ANGEL2: variants seen among roughly 807,000 people sequenced by gnomAD.
The protein encoded by ANGEL2 is RNA 2',3'-cyclic phosphatase ANGEL2.
In ANGEL2, 41 loss-of-function variants were observed where a neutral mutation model predicts 66.0. The observed-to-expected ratio is 0.62, with a 90% CI of 0.48 to 0.81. The LOEUF is 0.81. ANGEL2 is among the 30% of genes least tolerant of loss of function. The probability of loss-of-function intolerance (pLI) is 0.00; values close to 1 mark genes in which losing one functional copy is unlikely to be tolerated. For synonymous variants in ANGEL2, 208 were observed against 226.5 expected (o/e 0.92, Z 0.73); for missense variants, 561 against 641.6 (o/e 0.87, Z 1.36).
At chr1:213,012,466 A>C (rs2076532613) in intron 2 of ANGEL2, among the ~76,000 whole-genome samples, 3 of 152,220 alleles carry the variant, frequency 2.0e-5, no homozygotes, top group Admixed American at 2.0e-4. Flanking sequence ...AATATGAAAA[A>C]ATAGAAGTAA....
At chr1:213,000,149 C>T (rs779323862) in intron 7 of ANGEL2, among the ~76,000 whole-genome samples, 177 bp downstream of exon 7, 6 of 152,200 alleles carry the variant, frequency 3.9e-5, no homozygotes, top group Non-Finnish European at 7.3e-5. Context: ...CAAAATCATT[C>T]GGCTAAAACA....
At position 213,013,389 on chromosome 1, in the gene ANGEL2, C is replaced by T. The variant is rs1333777506; in HGVS notation, c.89G>A (p.Ser30Asn). ...RYPMFPHHSR[S>N]LGRDWTTPWE... ...CGGTGTAGTCCAGTCTCTGCCCAGA[C>T]TCCTCGAGTGATGGGGAAACATGGG... is the stretch of plus-strand genomic sequence containing the variant. The change falls in exon 2 of 9, where the codon AGT (serine) becomes AAT (asparagine). Residue 30 changes from serine (S) to asparagine (N), a missense_variant. By Grantham distance (46) the Ser-to-Asn change is conservative. Coordinates refer to ENST00000366962, the MANE Select transcript of ANGEL2 (RefSeq NM_144567.5). The T allele has an allele frequency of 3.7e-6, 6 of 1,613,684 alleles. No homozygotes were observed. The highest frequency in any genetic ancestry group is 3.3e-4 in the Middle Eastern group (2 of 6,084).
intron 7 of ANGEL2, among the ~76,000 whole-genome samples, chr1:212,997,540 ATAAT>A (rs1268268333): frequency 6.6e-6 from 1 of 152,238 alleles, no homozygotes; most frequent in Non-Finnish European, 1.5e-5. Context: ...AAAAAGCTCA[ATAAT>A]TAACATACTA....
intron 6 of ANGEL2, 24 bp from the exon 7 acceptor site, chr1:213,000,407 T>C: frequency 6.3e-7 from 1 of 1,594,368 alleles, no homozygotes; most frequent in Non-Finnish European, 8.6e-7. Flanking sequence ...GGAAAATATA[T>C]TAATGTTATT....
Position 213,015,595 on chromosome 1 carries a change from G to T in ANGEL2, c.59+18C>A. On this transcript the variant is annotated intron_variant, in intron 1 of 8. Transcript: ENST00000366962. ...GCCCGCCCCTCTCTCCTCCCTCCGA[G>T]TACCCAGCCCTACTGACCGGCCTCT... is the stretch of plus-strand genomic sequence containing the variant. 1 of 1,476,176 alleles carries T rather than the reference G, an allele frequency of 6.8e-7. No homozygotes were observed. The highest frequency in any genetic ancestry group is 1.9e-4 in the Middle Eastern group (1 of 5,338). The allele number at this position is 1,476,176 out of a possible 1,614,324, so 91.4% of individuals were successfully genotyped here.
intron 1 of ANGEL2, chr1:213,015,195 C>T: frequency 9.7e-7 from 1 of 1,033,344 alleles, no homozygotes; most frequent in Non-Finnish European, 1.2e-6. Context: ...CACACACGCG[C>T]CTCCAAGGGA....
chr1:213,000,601 A>C, intron 6 of ANGEL2, 185 bp downstream of exon 6: 1 of 760,676 alleles, frequency 1.3e-6, no homozygotes, highest in Non-Finnish European at 2.0e-6. Flanking sequence ...TCATGCACAG[A>C]TAATTCTGGA....
intron 7 of ANGEL2, among the ~76,000 whole-genome samples, chr1:212,998,544 CAG>C (rs1298627361): frequency 3.4e-5 from 4 of 116,662 alleles, no homozygotes; most frequent in Non-Finnish European, 6.7e-5. Context: ...TTTTTTGAGA[CAG>C]AGTCTTGCTC....
chr1:213,001,054 T>A (rs1363166542), intron 5 of ANGEL2, 142 bp from the exon 6 acceptor site: 1 of 720,468 alleles, frequency 1.4e-6, no homozygotes, highest in Admixed American at 3.8e-5. Context: ...TTCTTTGGAC[T>A]TATAAAATCT....
At chr1:213,011,332 T>A in intron 2 of ANGEL2, 1 of 1,249,326 alleles carries the variant, frequency 8.0e-7, no homozygotes, top group Non-Finnish European at 1.0e-6. Flanking sequence ...ATCACACAAA[T>A]CCTTCAAATA....
chr1:213,012,721 G>C (rs2076539690), intron 2 of ANGEL2, among the ~76,000 whole-genome samples: 1 of 151,968 alleles, frequency 6.6e-6, no homozygotes, highest in African/African-American at 2.4e-5. Context: ...ATTTTTTTTA[G>C]ATCTGTAGAC....
chr1:213,011,615 AT>A (rs2076511263), intron 2 of ANGEL2, among the ~76,000 whole-genome samples: 1 of 152,176 alleles, frequency 6.6e-6, no homozygotes, highest in South Asian at 2.1e-4. Context: ...ACAGTATCTC[AT>A]TTCATTCAAC....
chr1:212,993,155 A>T lies in ANGEL2; in HGVS notation c.*1886T>A, dbSNP rs557672921. 2.0e-5 allele frequency: 3 copies of T among 151,844 alleles called. No individual in the cohort carries two copies. The highest frequency in any genetic ancestry group is 4.4e-5 in the Non-Finnish European group (3 of 67,978). 9.4% of individuals were successfully genotyped at this position (151,844 alleles called of 1,614,324 possible). ...AAAATTCCATCTCTACTAAAAATAC[A>T]AAAATTAGCTGGGCATGGTGGTGCA... On this transcript the variant is annotated 3_prime_UTR_variant, in exon 9 of 9. Coordinates refer to ENST00000366962, the MANE Select transcript of ANGEL2 (RefSeq NM_144567.5).
At chr1:213,010,051 C>CAA (rs57723014) in intron 2 of ANGEL2, among the ~76,000 whole-genome samples, 3 of 51,292 alleles carry the variant, frequency 5.8e-5, no homozygotes, top group Admixed American at 1.9e-4. Context: ...GACTCCAACT[C>CAA]AAAAAAAAAA....
chr1:213,015,770 C>T lies in ANGEL2; in HGVS notation c.-99G>A. 2.0e-6 allele frequency: 3 copies of T among 1,529,602 alleles called. No homozygotes were observed. Among genetic ancestry groups the T allele is most frequent in the South Asian group, 2.3e-5 (2 of 87,598 alleles). The allele number at this position is 1,529,602 out of a possible 1,614,324, so 94.8% of individuals were successfully genotyped here. On this transcript the variant is annotated 5_prime_UTR_variant, in exon 1 of 9. Transcript: ENST00000366962. ...AAAGTATCTAGGGAACCCCATCACT[C>T]TTAAGTACCGACTCCAGTCCTGGCT...
chr1:213,013,219 T>C lies in ANGEL2; in HGVS notation c.259A>G (p.Arg87Gly), dbSNP rs1305438624. The C allele has an allele frequency of 1.2e-6, 2 of 1,613,764 alleles. No homozygotes were observed. Among genetic ancestry groups the C allele is most frequent in the East Asian group, 2.2e-5 (1 of 44,880 alleles). ...NWRPPCLFES[R>G]TQFQYCNWRP... The stretch of plus-strand genomic sequence containing the variant: ...CAGTTACAGTACTGGAACTGAGTTC[T>C]AGACTCAAACAAACAGGGTGGTCTC... The change falls in exon 2 of 9, where the codon AGA (arginine) becomes GGA (glycine). Residue 87 changes from arginine (R) to glycine (G), a missense_variant. By Grantham distance (125) the Arg-to-Gly change is moderately radical. Coordinates refer to ENST00000366962, the MANE Select transcript of ANGEL2 (RefSeq NM_144567.5).
At chr1:213,014,670 G>A (rs1218555699) in intron 1 of ANGEL2, among the ~76,000 whole-genome samples, 1 of 152,090 alleles carries the variant, frequency 6.6e-6, no homozygotes, top group Non-Finnish European at 1.5e-5. Flanking sequence ...CTCCTTCAGG[G>A]CCAGAACAGA....
chr1:212,996,640 A>AAATAT (rs56102625), intron 8 of ANGEL2, among the ~76,000 whole-genome samples: 6 of 66,472 alleles, frequency 9.0e-5, no homozygotes, highest in African/African-American at 3.5e-4. Context: ...AAAAAAAAAA[A>AAATAT]ATATATATAT....
chr1:213,011,341 T>C (rs1234611763), intron 2 of ANGEL2: 7 of 1,234,106 alleles, frequency 5.7e-6, no homozygotes, highest in Admixed American at 3.0e-5. Flanking sequence ...ATCCTTCAAA[T>C]ACCACTTTAA....
Sources: allele counts gnomAD v4.1 joint callset (sites outside exome capture counted in the v4.1 genomes callset), GRCh38; gene constraint gnomAD v4.1.1; transcripts MANE v1.5; gene names NCBI Gene and HGNC (gene_info 2026-07-23, HGNC 2026-07-21).